Variants in ZNF566 observed in about 807,000 individuals in gnomAD.
ZNF566 encodes the protein zinc finger protein 566.
ZNF566 carries 27 observed loss-of-function variants against 32.8 expected under a neutral mutation model. The ratio of observed to expected loss-of-function variants is 0.82; its 90% CI spans 0.61 to 1.14. ZNF566 has a LOEUF of 1.14. ZNF566 is among the 50% of genes most tolerant of loss of function. The pLI, the probability that ZNF566 is intolerant of heterozygous loss-of-function variation, is 0.00. For missense variants in ZNF566, 402 were observed against 490.4 expected (o/e 0.82, Z 1.70); for synonymous variants, 154 against 159.5 (o/e 0.97, Z 0.26).
chr19:36,448,915 G>A lies in ZNF566; in HGVS notation c.*62C>T, dbSNP rs1309901539. 2 of 1,333,460 alleles carry A rather than the reference G, an allele frequency of 1.5e-6. No individual in the cohort carries two copies. The highest frequency in any genetic ancestry group is 2.4e-5 in the East Asian group (1 of 42,092). 82.6% of individuals were successfully genotyped at this position (1,333,460 alleles called of 1,614,324 possible). A position where few individuals can be genotyped will look rare whatever the true frequency, so the allele number is the denominator to read the frequency against. On this transcript the variant is annotated 3_prime_UTR_variant, in exon 5 of 5. Transcript: ENST00000452939. ...TTCTATCTAGAGGAATTATTAACAA[G>A]ATAAATTCTGTTTTGAGCCATAATT...
rs183552203 is a variant in ZNF566 at position 36,462,029 on chromosome 19, C to T, written c.232+10882G>A. ...TTGGAGATGGAGTTTACTCTTGTTG[C>T]CCAGGTTGGAGTGCAATGGCATGAT... is the stretch of plus-strand genomic sequence containing the variant. On this transcript the variant is annotated intron_variant, in intron 4 of 4. Transcript: ENST00000452939. Among the ~76,000 whole-genome samples the T allele has an allele frequency of 2.1e-5, 3 of 144,538 alleles. No homozygotes were observed. In the Admixed American group the frequency reaches 2.1e-4, roughly 10 times the overall value. 94.8% of individuals were successfully genotyped at this position (144,538 alleles called of 152,430 possible).
At chr19:36,455,031 T>C (rs1235537250) in intron 4 of ZNF566, among the ~76,000 whole-genome samples, 2 of 152,124 alleles carry the variant, frequency 1.3e-5, no homozygotes, top group African/African-American at 4.8e-5. Flanking sequence ...TGCAACATGA[T>C]CAAGTGAGAT....
rs1600142489 is a variant in ZNF566, at chr19:36,456,382, A to T, written c.233-6381T>A. On this transcript the variant is annotated intron_variant, in intron 4 of 4. Coordinates refer to ENST00000452939, the MANE Select transcript of ZNF566 (RefSeq NM_001145344.1). ...GAAGCCCCATCTCTACTAAAATACAAAAAAAAAAAAAAAAAAAAAAATTAG... is the reference window on the plus strand; with the variant it reads ...GAAGCCCCATCTCTACTAAAATACATAAAAAAAAAAAAAAAAAAAAATTAG... 3 of 80,164 alleles carry T rather than the reference A, an allele frequency of 3.7e-5. No homozygotes were observed. In the South Asian group the frequency reaches 1.7e-3, roughly 46 times the overall value. 5.0% of individuals were successfully genotyped at this position (80,164 alleles called of 1,614,324 possible).
intron 1 of ZNF566, among the ~76,000 whole-genome samples, chr19:36,477,991 ATAAACT>A (rs1179859644): frequency 6.6e-6 from 1 of 152,180 alleles, no homozygotes; most frequent in South Asian, 2.1e-4. Flanking sequence ...CAAGAACTTA[ATAAACT>A]TAAAATTATA....
chr19:36,476,389 T>C (rs997905417), intron 2 of ZNF566, 160 bp downstream of exon 2: 4 of 531,776 alleles, frequency 7.5e-6, no homozygotes, highest in African/African-American at 4.0e-5. Context: ...CTGTTAGAGA[T>C]CCTTTCCTTT....
chr19:36,453,664 CTATTAT>C (rs891020154), intron 4 of ZNF566, among the ~76,000 whole-genome samples: 1 of 150,578 alleles, frequency 6.6e-6, no homozygotes, highest in African/African-American at 2.4e-5. Context: ...CAAAGTTAAG[CTATTAT>C]TATTATTATT....
intron 4 of ZNF566, among the ~76,000 whole-genome samples, chr19:36,460,027 G>A (rs1050906505): frequency 6.6e-6 from 1 of 150,992 alleles, no homozygotes; most frequent in Non-Finnish European, 1.5e-5. Context: ...GGCTGATCTC[G>A]AACTCCTGAC....
chr19:36,459,674 C>T (rs578222052), intron 4 of ZNF566, among the ~76,000 whole-genome samples: 1 of 151,032 alleles, frequency 6.6e-6, no homozygotes, highest in South Asian at 2.1e-4. Flanking sequence ...CCACGCCCGG[C>T]TAATTTTTTG....
chr19:36,449,504 G>C lies in ZNF566; in HGVS notation c.730C>G (p.Arg244Gly). The C allele has an allele frequency of 6.2e-7, 1 of 1,613,572 alleles. No individual in the cohort carries two copies. Among genetic ancestry groups the C allele is most frequent in the Non-Finnish European group, 8.5e-7 (1 of 1,179,902 alleles). Reference protein sequence around the residue: ...KTFICGSDLTRHHRIHTGEKP... With the variant: ...KTFICGSDLTGHHRIHTGEKP... ...TCACCAGTGTGAATTCTGTGATGTC[G>C]AGTAAGGTCTGAGCCACAAATAAAG... The change falls in exon 5 of 5, where the codon CGA becomes GGA. Residue 244 changes from arginine (R) to glycine (G), a missense_variant. By Grantham distance (125) the Arg-to-Gly change is moderately radical (BLOSUM62 -2). Around this residue, in one of 3 missense-constraint regions of ZNF566, gnomAD observed 135 missense variants for 210.0 expected, o/e 0.64. Transcript: ENST00000452939.
intron 2 of ZNF566, chr19:36,476,306 GAA>G (rs74174412): frequency 0.014 from 2,989 of 220,886 alleles, no homozygotes; most frequent in South Asian, 0.019. Context: ...ACTCCATCTC[GAA>G]AAAAAAAAAA....
At chr19:36,478,739 G>A (rs565267406) in intron 1 of ZNF566, among the ~76,000 whole-genome samples, 9 of 152,246 alleles carry the variant, frequency 5.9e-5, no homozygotes, top group South Asian at 2.1e-4. Flanking sequence ...ATTCTTAGGC[G>A]TCTTGCTGGG....
intron 4 of ZNF566, among the ~76,000 whole-genome samples, chr19:36,455,645 C>A (rs2033283614): frequency 6.6e-6 from 1 of 152,058 alleles, no homozygotes; most frequent in African/African-American, 2.4e-5. Context: ...GAGGCTGAGG[C>A]ACGAGAATCG....
At position 36,448,723 on chromosome 19, in the gene ZNF566, CAGACTGAATTATCTATCATATTGCT is replaced by C. The variant is rs1433616475; in HGVS notation, c.*229_*253del. The C allele has an allele frequency of 9.3e-6, 3 of 322,082 alleles. No homozygotes were observed. The highest frequency in any genetic ancestry group is 2.1e-5 in the African/African-American group (1 of 46,774). The allele number at this position is 322,082 out of a possible 1,614,324, so 20.0% of individuals were successfully genotyped here. The stretch of plus-strand genomic sequence containing the variant: ...AAAAGTGCTGTCATTTTCAGTATGA[CAGACTGAATTATCTATCATATTGCT>C]AGACTGAATTATCTGATGTCAAGAG... On this transcript the variant is annotated 3_prime_UTR_variant, in exon 5 of 5. Transcript: ENST00000452939.
chr19:36,459,316 G>A (rs2967445), intron 4 of ZNF566, among the ~76,000 whole-genome samples: 37,801 of 151,918 alleles, frequency 0.25, 4,777 homozygotes, highest in South Asian at 0.36. Context: ...TTTTTGTTTT[G>A]TTTTGTGTTT....
At chr19:36,462,681 T>G (rs775242657) in intron 4 of ZNF566, among the ~76,000 whole-genome samples, 1 of 151,878 alleles carries the variant, frequency 6.6e-6, no homozygotes. Flanking sequence ...TATGTATATA[T>G]GTACATATGT....
At chr19:36,470,728 T>C (rs1245317419) in intron 4 of ZNF566, among the ~76,000 whole-genome samples, 1 of 151,788 alleles carries the variant, frequency 6.6e-6, no homozygotes, top group African/African-American at 2.4e-5. Context: ...CTGGCCAACA[T>C]GGTGAAACAC....
intron 4 of ZNF566, among the ~76,000 whole-genome samples, chr19:36,471,857 C>T (rs2033774913): frequency 2.0e-5 from 3 of 152,042 alleles, no homozygotes; most frequent in Non-Finnish European, 2.9e-5. Context: ...ATTCTCCTGC[C>T]TCAGCCTCCT....
intron 1 of ZNF566, among the ~76,000 whole-genome samples, chr19:36,479,725 G>T (rs1004620840): frequency 6.6e-6 from 1 of 152,224 alleles, no homozygotes; most frequent in Non-Finnish European, 1.5e-5. Context: ...GCCTCAACCT[G>T]TGGGGCTCAA....
intron 4 of ZNF566, among the ~76,000 whole-genome samples, chr19:36,470,064 T>C (rs1297779508): frequency 6.6e-6 from 1 of 152,220 alleles, no homozygotes; most frequent in Admixed American, 6.5e-5. Context: ...AACCTACATT[T>C]CCTTGCCATA....
Sources: gnomAD v4.1 joint callset for allele counts (sites outside exome capture counted in the v4.1 genomes callset) on GRCh38, gnomAD v4.1.1 for gene constraint, gnomAD v4.1.1 regional missense constraint, MANE v1.5 for transcripts, NCBI Gene and HGNC (gene_info 2026-07-23, HGNC 2026-07-21) for gene names.